The following PRSS23 variants were observed in gnomAD, a reference collection of about 807,000 sequenced individuals.
PRSS23 encodes the protein protease, serine 23.
In PRSS23, 25 loss-of-function variants were observed where a neutral mutation model predicts 34.7. That is an observed-to-expected ratio of 0.72 (90% CI 0.53 to 1.01). PRSS23 has a LOEUF of 1.01. Ranked by LOEUF, PRSS23 falls within the 50% of genes least tolerant of loss-of-function variation. The pLI is 0.00. For synonymous variants in PRSS23, 176 were observed against 186.6 expected (o/e 0.94, Z 0.46); for missense variants, 445 against 475.6 (o/e 0.94, Z 0.60).
intron 2 of PRSS23, chr11:86,833,418 G>C (rs894988742): frequency 1.0e-5 from 6 of 595,630 alleles, no homozygotes; most frequent in African/African-American, 5.5e-5. Flanking sequence ...AGAGTTCTAG[G>C]AGGAGGAATT....
chr11:86,841,488 A>T (rs1224900680), intron 2 of PRSS23, among the ~76,000 whole-genome samples: 1 of 152,168 alleles, frequency 6.6e-6, no homozygotes, highest in African/African-American at 2.4e-5. Flanking sequence ...AAAAAAATCA[A>T]TGAATCCAGG....
intron 2 of PRSS23, among the ~76,000 whole-genome samples, chr11:86,828,564 T>C (rs1027310432): frequency 2.0e-5 from 3 of 152,240 alleles, no homozygotes; most frequent in African/African-American, 7.2e-5. Flanking sequence ...TTTTGCTTGT[T>C]AGTTGATGCA....
chr11:86,933,832 C>T (rs919410471), intron 2 of PRSS23: 7 of 151,818 alleles, frequency 4.6e-5, no homozygotes, highest in African/African-American at 1.5e-4. Flanking sequence ...TTTTTCTTTT[C>T]GTATTTTGAT....
chr11:86,830,946 G>T (rs997520975), intron 2 of PRSS23, among the ~76,000 whole-genome samples: 1 of 152,034 alleles, frequency 6.6e-6, no homozygotes, highest in African/African-American at 2.4e-5. Flanking sequence ...TTTACAAACT[G>T]TGATATTATA....
chr11:86,882,256 T>C (rs1285405917), intron 2 of PRSS23, among the ~76,000 whole-genome samples: 1 of 152,186 alleles, frequency 6.6e-6, no homozygotes, highest in Non-Finnish European at 1.5e-5. Context: ...GTAGGTTTGT[T>C]AGTAAATGCA....
chr11:86,917,297 C>A (rs923324667), intron 2 of PRSS23, among the ~76,000 whole-genome samples: 3 of 152,146 alleles, frequency 2.0e-5, no homozygotes, highest in African/African-American at 7.2e-5. Flanking sequence ...CCAGCCTGGG[C>A]GACAGAGTGA....
rs987397495 is a variant in PRSS23 at position 86,810,600 on chromosome 11, T to G, written c.*1805T>G. ...GGGTTTTGTTTGTTTTTGCTTTAGCTTGGTGAAAAAAAGTTCACTGAACAC... is the reference window on the plus strand; with the variant it reads ...GGGTTTTGTTTGTTTTTGCTTTAGCGTGGTGAAAAAAAGTTCACTGAACAC... On this transcript the variant is annotated 3_prime_UTR_variant, in exon 2 of 2. Coordinates refer to ENST00000280258, the MANE Select transcript of PRSS23 (RefSeq NM_007173.6). 7 of 167,052 alleles carry G rather than the reference T, an allele frequency of 4.2e-5. No homozygotes were observed. Among genetic ancestry groups the G allele is most frequent in the Non-Finnish European group, 1.0e-4 (7 of 68,124 alleles). 10.3% of individuals were successfully genotyped at this position (167,052 alleles called of 1,614,324 possible).
intron 2 of PRSS23, among the ~76,000 whole-genome samples, chr11:86,882,143 G>A (rs1948776095): frequency 6.6e-6 from 1 of 152,090 alleles, no homozygotes; most frequent in Admixed American, 6.6e-5. Flanking sequence ...CCTGCCTTGG[G>A]ATTAGTTTGC....
chr11:86,952,519 A>G (rs777762460), exon 3 of PRSS23: 1 of 1,597,358 alleles, frequency 6.3e-7, no homozygotes, highest in East Asian at 2.2e-5. Context: ...ATGACTTGGA[A>G]GTTTGACCAA....
At chr11:86,867,044 G>A (rs765020244) in intron 2 of PRSS23, among the ~76,000 whole-genome samples, 1 of 152,182 alleles carries the variant, frequency 6.6e-6, no homozygotes, top group Non-Finnish European at 1.5e-5. Flanking sequence ...CACCCATTGT[G>A]CCCTAGAGAA....
intron 2 of PRSS23, among the ~76,000 whole-genome samples, chr11:86,841,457 A>G (rs1166395243): frequency 6.6e-6 from 1 of 152,050 alleles, no homozygotes; most frequent in Non-Finnish European, 1.5e-5. Context: ...TGAAGGAGAT[A>G]AGAGACACAA....
intron 2 of PRSS23, among the ~76,000 whole-genome samples, chr11:86,907,951 T>C (rs569077887): frequency 1.3e-5 from 2 of 152,336 alleles, no homozygotes; most frequent in Non-Finnish European, 2.9e-5. Context: ...TATTTCAGAT[T>C]CCTCGTCAGT....
intron 2 of PRSS23, among the ~76,000 whole-genome samples, chr11:86,943,358 C>T (rs188863254): frequency 0.011 from 1,607 of 152,372 alleles, 17 homozygotes; most frequent in Middle Eastern, 0.02. Flanking sequence ...GGTGCGGTGG[C>T]TTACGCCTGT....
chr11:86,837,122 C>G (rs1436291228), intron 2 of PRSS23: 1 of 152,158 alleles, frequency 6.6e-6, no homozygotes, highest in Non-Finnish European at 1.5e-5. Flanking sequence ...GAAAATACAG[C>G]CTATCTTTTC....
intron 2 of PRSS23, among the ~76,000 whole-genome samples, chr11:86,829,971 G>A (rs534577841): frequency 1.1e-3 from 164 of 152,290 alleles, no homozygotes; most frequent in African/African-American, 3.7e-3. Flanking sequence ...CAGTCTGCCC[G>A]TCCTCAGATC....
chr11:86,812,576 T>G (rs1416162331), downstream of PRSS23, among the ~76,000 whole-genome samples: 1 of 151,420 alleles, frequency 6.6e-6, no homozygotes, highest in Admixed American at 6.6e-5. Context: ...TCACTTGAGG[T>G]GAGGAGCTCC....
intron 2 of PRSS23, among the ~76,000 whole-genome samples, chr11:86,930,375 C>A (rs898812156): frequency 1.6e-4 from 24 of 152,132 alleles, no homozygotes; most frequent in African/African-American, 5.3e-4. Context: ...AAGCCCAGGG[C>A]CCCACAGGAA....
rs1948139091 is a variant in PRSS23, at chr11:86,808,673, C to A, written c.1030C>A (p.Gln344Lys). 2 of 1,614,122 alleles carry A rather than the reference C, an allele frequency of 1.2e-6. No homozygotes were observed. The highest frequency in any genetic ancestry group is 1.7e-6 in the Non-Finnish European group (2 of 1,180,014). Residue 344 changes from glutamine to lysine, a missense_variant, in exon 2 of 2, where the codon CAG (glutamine) becomes AAG (lysine). Transcript: ENST00000280258. Reference sequence around the variant, plus strand: ...AATTATTGGCATTTTTTCAGGGCACCAGTGGGTGGACATGAATGGTTCCCC... The same window carrying A: ...AATTATTGGCATTTTTTCAGGGCACAAGTGGGTGGACATGAATGGTTCCCC... ...RKIIGIFSGH[Q>K]WVDMNGSPQD...
At chr11:86,880,207 C>T (rs1304435185) in intron 2 of PRSS23, among the ~76,000 whole-genome samples, 1 of 151,934 alleles carries the variant, frequency 6.6e-6, no homozygotes, top group Non-Finnish European at 1.5e-5. Flanking sequence ...GGATTAAGGG[C>T]GGTGTAAGAT....
Sources: gnomAD v4.1 joint callset for allele counts (sites outside exome capture counted in the v4.1 genomes callset) on GRCh38, gnomAD v4.1.1 for gene constraint, MANE v1.5 for transcripts, NCBI Gene and HGNC (gene_info 2026-07-23, HGNC 2026-07-21) for gene names.